Variants in CDH22 observed in about 807,000 individuals in gnomAD.
The protein encoded by CDH22 is cadherin-22.
Under a neutral mutation model 58.4 loss-of-function variants are expected in CDH22, and 30 were observed. The observed-to-expected ratio is 0.51, with a 90% CI of 0.38 to 0.70. The LOEUF (loss-of-function observed/expected upper bound fraction) is 0.70. Ranked by LOEUF, CDH22 falls within the 30% of genes least tolerant of loss-of-function variation. CDH22 has a pLI of 0.00. For missense variants in CDH22, 1,014 were observed against 1,233.9 expected, an observed-to-expected ratio of 0.82 and a Z score of 2.67; for synonymous variants, 513 against 558.2, an observed-to-expected ratio of 0.92 and a Z score of 1.14.
chr20:46,178,269 AT>A, intron 10 of CDH22, 72 bp from the exon 11 acceptor site: 1 of 1,539,148 alleles, frequency 6.5e-7, no homozygotes, highest in Non-Finnish European at 8.8e-7. Context: ...CCACCTCCTG[AT>A]TGCATCGTGA....
chr20:46,177,718 T>C (rs1037716683), intron 11 of CDH22, among the ~76,000 whole-genome samples: 7 of 152,242 alleles, frequency 4.6e-5, no homozygotes, highest in Middle Eastern at 6.8e-3. Flanking sequence ...GGGCTACACG[T>C]GAATGGGGTG....
chr20:46,249,649 G>A (rs1403546173), intron 2 of CDH22, among the ~76,000 whole-genome samples: 1 of 152,148 alleles, frequency 6.6e-6, no homozygotes, highest in Non-Finnish European at 1.5e-5. Flanking sequence ...CACACAGGAA[G>A]CTCTGGAGTT....
At position 46,177,920 on chromosome 20, in the gene CDH22, G is replaced by A. The variant is rs1373620372; in HGVS notation, c.1915+26C>T. On this transcript the variant is annotated intron_variant, in intron 11 of 11. Transcript: ENST00000537909. ...CGCCAGGATGGGGCCAATCAGGCAGGGCTGGGTGGCTCTCGATGGACTCAC... is the reference window on the plus strand; with the variant it reads ...CGCCAGGATGGGGCCAATCAGGCAGAGCTGGGTGGCTCTCGATGGACTCAC... 1.9e-6 allele frequency: 3 copies of A among 1,610,934 alleles called. No homozygotes were observed. In the African/African-American group the frequency reaches 4.0e-5, roughly 22 times the overall value.
At chr20:46,185,423 A>G (rs2085818323) in intron 10 of CDH22, among the ~76,000 whole-genome samples, 1 of 152,104 alleles carries the variant, frequency 6.6e-6, no homozygotes, top group African/African-American at 2.4e-5. Context: ...TGGACTTGGG[A>G]TGGGGTTGGG....
intron 10 of CDH22, 23 bp from the exon 11 acceptor site, chr20:46,178,220 G>A (rs374141837): frequency 2.5e-5 from 40 of 1,601,712 alleles, no homozygotes; most frequent in Middle Eastern, 1.7e-4. Context: ...AAGGGGGAGC[G>A]GTGTGACTTG....
At chr20:46,239,907 T>C (rs148689933) in intron 3 of CDH22, among the ~76,000 whole-genome samples, 1 of 152,366 alleles carries the variant, frequency 6.6e-6, no homozygotes, top group African/African-American at 2.4e-5. Flanking sequence ...AGTGTCCTGC[T>C]GCTGTGTGCA....
At chr20:46,189,744 C>G (rs536547318) in intron 8 of CDH22, among the ~76,000 whole-genome samples, 1 of 152,254 alleles carries the variant, frequency 6.6e-6, no homozygotes, top group Admixed American at 6.5e-5. Flanking sequence ...AGCTGAGTGA[C>G]CCCTAAATTG....
At chr20:46,226,555 T>C (rs2145709991) in intron 4 of CDH22, among the ~76,000 whole-genome samples, 1 of 152,216 alleles carries the variant, frequency 6.6e-6, no homozygotes, top group South Asian at 2.1e-4. Context: ...AGTCCTGGGA[T>C]CACAGGGGTG....
chr20:46,209,318 G>A (rs2086023184), intron 7 of CDH22, among the ~76,000 whole-genome samples: 1 of 152,204 alleles, frequency 6.6e-6, no homozygotes, highest in Non-Finnish European at 1.5e-5. Flanking sequence ...AGCGTGGTGT[G>A]TTTGCAAGGC....
At chr20:46,261,165 C>T (rs2086431385) in intron 1 of CDH22, among the ~76,000 whole-genome samples, 2 of 152,130 alleles carry the variant, frequency 1.3e-5, no homozygotes, top group African/African-American at 4.8e-5. Context: ...TAGTATTTAC[C>T]TCCCAGGGCC....
intron 4 of CDH22, among the ~76,000 whole-genome samples, chr20:46,221,038 G>A (rs573557328): frequency 6.6e-6 from 1 of 152,272 alleles, no homozygotes; most frequent in South Asian, 2.1e-4. Context: ...CCTGTATGCT[G>A]CGGCCTGTCC....
chr20:46,254,256 TA>T (rs2086395468), intron 1 of CDH22, among the ~76,000 whole-genome samples: 1 of 152,096 alleles, frequency 6.6e-6, no homozygotes, highest in African/African-American at 2.4e-5. Context: ...GACATAGCAA[TA>T]AAAAAATGAA....
rs147358306 is a variant in CDH22 at position 46,193,080 on chromosome 20, G to T, written c.1424-6133C>A. Among the ~76,000 whole-genome samples, 36 of 152,214 alleles carry T rather than the reference G, an allele frequency of 2.4e-4. No individual in the cohort carries two copies. In the East Asian group the frequency reaches 5.4e-3, roughly 23 times the overall value. ...GGGGAGGACTTCTGGGTGAAGCAGG[G>T]ACCCTGAAATCATAACATCCCTGAA... On this transcript the variant is annotated intron_variant, in intron 8 of 11. Coordinates refer to ENST00000537909, the MANE Select transcript of CDH22 (RefSeq NM_021248.3).
chr20:46,272,069 C>T (rs1399936712), intron 1 of CDH22, among the ~76,000 whole-genome samples: 6 of 152,222 alleles, frequency 3.9e-5, no homozygotes, highest in Non-Finnish European at 7.3e-5. Flanking sequence ...GGAAGTCATG[C>T]TTGGCATCTC....
chr20:46,250,987 G>T (rs1249906843), intron 2 of CDH22, 53 bp downstream of exon 2: 18 of 1,086,256 alleles, frequency 1.7e-5, no homozygotes, highest in Non-Finnish European at 2.1e-5. Context: ...GTATCTACCC[G>T]TGGGTGTCCC....
chr20:46,260,444 G>A (rs1281706517), intron 1 of CDH22, among the ~76,000 whole-genome samples: 1 of 152,104 alleles, frequency 6.6e-6, no homozygotes, highest in Non-Finnish European at 1.5e-5. Context: ...TCTCCCTTTG[G>A]GGTTTGCTGT....
At chr20:46,234,624 G>T in intron 3 of CDH22, among the ~76,000 whole-genome samples, 1 of 152,228 alleles carries the variant, frequency 6.6e-6, no homozygotes, top group East Asian at 1.9e-4. Context: ...TCCACATTCT[G>T]TTGAGCCCCA....
chr20:46,235,679 C>T (rs906908254), intron 3 of CDH22, among the ~76,000 whole-genome samples: 1 of 152,186 alleles, frequency 6.6e-6, no homozygotes, highest in African/African-American at 2.4e-5. Flanking sequence ...CTCTTACTCC[C>T]CACAACCAAT....
chr20:46,291,167 C>T (rs190596187), intron 1 of CDH22, among the ~76,000 whole-genome samples: 2 of 152,302 alleles, frequency 1.3e-5, no homozygotes, highest in East Asian at 3.9e-4. Context: ...ATCCCAGCTA[C>T]TCAGGAGGCT....
Sources: allele counts gnomAD v4.1 joint callset (sites outside exome capture counted in the v4.1 genomes callset), GRCh38; gene constraint gnomAD v4.1.1; transcripts MANE v1.5; gene names NCBI Gene and HGNC (gene_info 2026-07-23, HGNC 2026-07-21).